BTBD8: variants seen among roughly 807,000 people sequenced by gnomAD.
BTBD8 encodes BTB/POZ domain-containing protein 8.
In BTBD8, 110 loss-of-function variants were observed where a neutral mutation model predicts 162.9. The ratio of observed to expected loss-of-function variants is 0.68; its 90% CI spans 0.58 to 0.79. The LOEUF is 0.79. Ranked by LOEUF, BTBD8 falls within the 30% of genes least tolerant of loss-of-function variation. The probability of loss-of-function intolerance (pLI) is 0.00; values close to 1 mark genes in which losing one functional copy is unlikely to be tolerated. For synonymous variants in BTBD8, 667 were observed against 716.1 expected (o/e 0.93, Z 1.10); for missense variants, 1,905 against 2,085.4 (o/e 0.91, Z 1.68).
chr1:92,142,530 G>A (rs924267074), intron 7 of BTBD8, among the ~76,000 whole-genome samples: 1 of 152,182 alleles, frequency 6.6e-6, no homozygotes, highest in Non-Finnish European at 1.5e-5. Flanking sequence ...GAGAAGGCTT[G>A]CTGGAGAAGC....
chr1:92,159,566 C>T (rs1411350050), intron 9 of BTBD8, among the ~76,000 whole-genome samples: 1 of 152,158 alleles, frequency 6.6e-6, no homozygotes, highest in Non-Finnish European at 1.5e-5. Context: ...GAAGAATTCC[C>T]ATTGGAACTC....
At chr1:92,162,104 G>A (rs1650285620) in intron 9 of BTBD8, among the ~76,000 whole-genome samples, 1 of 152,148 alleles carries the variant, frequency 6.6e-6, no homozygotes, top group African/African-American at 2.4e-5. Context: ...TTGTATATTG[G>A]CAGCGTTTTG....
chr1:92,103,038 C>T (rs1648631210), intron 3 of BTBD8, among the ~76,000 whole-genome samples: 1 of 152,114 alleles, frequency 6.6e-6, no homozygotes, highest in Admixed American at 6.5e-5. Flanking sequence ...TACTATAATA[C>T]ATATGGCATT....
At chr1:92,091,058 G>A (rs1362942050) in intron 2 of BTBD8, among the ~76,000 whole-genome samples, 1 of 152,184 alleles carries the variant, frequency 6.6e-6, no homozygotes, top group East Asian at 1.9e-4. Context: ...CATTAATATG[G>A]TTTGGATTTG....
rs11166118 is a variant in BTBD8, at chr1:92,080,560, C to G, written c.-12C>G. The G allele has an allele frequency of 1.2e-6, 2 of 1,613,322 alleles. No homozygotes were observed. Among genetic ancestry groups the G allele is most frequent in the South Asian group, 2.2e-5 (2 of 91,050 alleles). On this transcript the variant is annotated 5_prime_UTR_variant, in exon 1 of 18. Transcript: ENST00000636805. ...AGTACTGGGCCTCCAGGGCGTCGTA[C>G]CTCTGTGAGACATGGCTCGCTGTGG... is the stretch of plus-strand genomic sequence containing the variant.
intron 12 of BTBD8, among the ~76,000 whole-genome samples, chr1:92,170,666 A>T (rs74758772): frequency 0.011 from 1,719 of 152,206 alleles, 40 homozygotes; most frequent in African/African-American, 0.039. Context: ...TTTCTTCAAA[A>T]TATGTCTTAA....
At chr1:92,167,283 G>T in intron 10 of BTBD8, 143 bp downstream of exon 10, 1 of 1,130,598 alleles carries the variant, frequency 8.8e-7, no homozygotes, top group Non-Finnish European at 1.2e-6. Context: ...TGTTTACATA[G>T]GATTTAAGGC....
intron 3 of BTBD8, among the ~76,000 whole-genome samples, chr1:92,104,338 A>G (rs1375876758): frequency 3.3e-5 from 5 of 152,228 alleles, no homozygotes; most frequent in Admixed American, 3.3e-4. Context: ...GAGTGAATGA[A>G]TACACATTCT....
rs191339721 is a variant in BTBD8 at position 92,170,770 on chromosome 1, T to G, written c.1574-629T>G. Among the ~76,000 whole-genome samples the G allele has an allele frequency of 1.2e-3, 183 of 152,278 alleles. 1 individual carries two copies. Among genetic ancestry groups the G allele is most frequent in the African/African-American group, 4.2e-3 (176 of 41,586 alleles). On this transcript the variant is annotated intron_variant, in intron 12 of 17. Coordinates refer to ENST00000636805, the MANE Select transcript of BTBD8 (RefSeq NM_001376131.1). Reference sequence around the variant, plus strand: ...CCTACATATTTTCCTGACATTCAAATTCTTATTTGAAGAGCATAGACATGA... The same window carrying G: ...CCTACATATTTTCCTGACATTCAAAGTCTTATTTGAAGAGCATAGACATGA...
intron 4 of BTBD8, among the ~76,000 whole-genome samples, chr1:92,129,469 G>A (rs1359933174): frequency 6.6e-6 from 1 of 151,754 alleles, no homozygotes; most frequent in African/African-American, 2.4e-5. Flanking sequence ...CAGGGTGACA[G>A]AGGAAGATCC....
intron 5 of BTBD8, among the ~76,000 whole-genome samples, chr1:92,135,225 G>C (rs1365888278): frequency 6.6e-6 from 1 of 151,784 alleles, no homozygotes. Context: ...TTGCTCTGTC[G>C]CCTGGGCTGG....
In BTBD8 at chr1:92,141,128, A is replaced by G. The variant is rs1480279925; in HGVS notation, c.847A>G (p.Met283Val). Reference sequence around the variant, plus strand: ...TTTTTATTTTAGTCAGATACTCAATATGGCTGATATGTATGGACTAGAAGG... The same window carrying G: ...TTTTTATTTTAGTCAGATACTCAATGTGGCTGATATGTATGGACTAGAAGG... ...DKTNVGQILN[M>V]ADMYGLEGLK... is the part of the protein sequence containing the mutation. The change falls in exon 7 of 18, where the codon ATG (methionine) becomes GTG (valine). Residue 283 changes from methionine to valine, a missense_variant. By Grantham distance (21) the Met-to-Val change is conservative. Transcript: ENST00000636805. 6.4e-7 allele frequency: 1 copy of G among 1,561,950 alleles called. No individual in the cohort carries two copies. Among genetic ancestry groups the G allele is most frequent in the Non-Finnish European group, 8.7e-7 (1 of 1,156,022 alleles).
At chr1:92,089,550 T>G (rs1444337408) in intron 2 of BTBD8, among the ~76,000 whole-genome samples, 1 of 152,172 alleles carries the variant, frequency 6.6e-6, no homozygotes, top group Non-Finnish European at 1.5e-5. Context: ...TGATCACAGT[T>G]CGGGAGCCTG....
chr1:92,177,644 A>C, intron 14 of BTBD8, 98 bp downstream of exon 14: 1 of 876,870 alleles, frequency 1.1e-6, no homozygotes, highest in Non-Finnish European at 1.8e-6. Context: ...ATTTAGTTTC[A>C]GATGCCAACA....
At chr1:92,117,865 C>A (rs1294629791) in intron 4 of BTBD8, among the ~76,000 whole-genome samples, 1 of 151,920 alleles carries the variant, frequency 6.6e-6, no homozygotes, top group African/African-American at 2.4e-5. Flanking sequence ...TGTTTTTCTT[C>A]TCTTGTGGAT....
intron 17 of BTBD8, 24 bp downstream of exon 17, chr1:92,182,619 T>C: frequency 7.4e-7 from 1 of 1,359,354 alleles, no homozygotes; most frequent in East Asian, 2.7e-5. Flanking sequence ...ATAGAAATGC[T>C]AAATGCATAA....
intron 3 of BTBD8, among the ~76,000 whole-genome samples, chr1:92,104,225 T>C (rs904301457): frequency 1.3e-5 from 2 of 152,248 alleles, no homozygotes; most frequent in Non-Finnish European, 1.5e-5. Flanking sequence ...AAATATTTTT[T>C]GGGTTAAAGG....
intron 9 of BTBD8, among the ~76,000 whole-genome samples, chr1:92,154,358 A>G (rs907292099): frequency 1.3e-5 from 2 of 152,240 alleles, no homozygotes; most frequent in Non-Finnish European, 1.5e-5. Context: ...AGGAACCTGC[A>G]TACTGTTCTA....
chr1:92,121,157 A>G (rs1649197616), intron 4 of BTBD8, among the ~76,000 whole-genome samples: 1 of 152,148 alleles, frequency 6.6e-6, no homozygotes, highest in South Asian at 2.1e-4. Context: ...ATTTTTCTCC[A>G]TTCTTTTGTT....
Sources: gnomAD v4.1 joint callset for allele counts (sites outside exome capture counted in the v4.1 genomes callset) on GRCh38, gnomAD v4.1.1 for gene constraint, MANE v1.5 for transcripts, NCBI Gene and HGNC (gene_info 2026-07-23, HGNC 2026-07-21) for gene names.